Variants in ZC3H12B observed in about 807,000 individuals in gnomAD.
The protein encoded by ZC3H12B is probable ribonuclease ZC3H12B.
A neutral mutation model predicts 43.9 loss-of-function variants in ZC3H12B; 7 were observed. The observed-to-expected ratio is 0.16, with a 90% CI of 0.09 to 0.30. ZC3H12B has a LOEUF of 0.30. Among genes scored for constraint, ZC3H12B ranks in the 10% least tolerant of loss-of-function variants. The pLI, the probability that ZC3H12B is intolerant of heterozygous loss-of-function variation, is 1.00. For missense variants in ZC3H12B, 475 were observed against 670.2 expected, an observed-to-expected ratio of 0.71 and a Z score of 3.22; for synonymous variants, 222 against 241.7, an observed-to-expected ratio of 0.92 and a Z score of 0.76.
chrX:65,407,316 C>T (rs2066841754), intron 3 of ZC3H12B, among the ~76,000 whole-genome samples: 1 of 6,199 alleles, frequency 1.6e-4, no homozygotes. Context: ...TGGAGTAGCC[C>T]CGTCGGGCCC....
Position 65,450,696 on chromosome X carries a change from T to TATGTGTATATATGTATATGTATAC in ZC3H12B, n.408-37947_408-37924dup, listed in dbSNP as rs2067477890. On this transcript the variant is annotated intron_variant and non_coding_transcript_variant, in intron 3 of 5. Coordinates refer to the ZC3H12B transcript ENST00000617377. The stretch of plus-strand genomic sequence containing the variant: ...ATGTGTATATATGTATATGTATACA[T>TATGTGTATATATGTATATGTATAC]ATGTGTATATATGTATATGTATACA... Among the ~76,000 whole-genome samples, 14 of 5,232 alleles carry TATGTGTATATATGTATATGTATAC rather than the reference T, an allele frequency of 2.7e-3. 6 individuals carry two copies. Among genetic ancestry groups the TATGTGTATATATGTATATGTATAC allele is most frequent in the Non-Finnish European group, 4.0e-3 (14 of 3,503 alleles). The allele number at this position is 5,232 out of a possible 115,157, so 4.5% of individuals were successfully genotyped here.
the ZC3H12B span, among the ~76,000 whole-genome samples, chrX:65,289,956 C>T: frequency 9.0e-6 from 1 of 110,792 alleles, no homozygotes; most frequent in Non-Finnish European, 1.9e-5. Flanking sequence ...AGAGTATAGT[C>T]AGCAAAAGCA....
chrX:65,237,916 C>A, the ZC3H12B span, among the ~76,000 whole-genome samples: 4 of 111,686 alleles, frequency 3.6e-5, no homozygotes, highest in Admixed American at 9.5e-5. Context: ...ATGAAGCCAA[C>A]TTGATTGTGG....
chrX:65,361,910 C>A (rs1344994747), upstream of ZC3H12B, among the ~76,000 whole-genome samples: 1 of 112,365 alleles, frequency 8.9e-6, no homozygotes, highest in Non-Finnish European at 1.9e-5. Context: ...AGCCACATCT[C>A]CAGCACACAA....
the ZC3H12B span, among the ~76,000 whole-genome samples, chrX:65,351,287 G>T: frequency 9.0e-6 from 1 of 111,407 alleles, no homozygotes; most frequent in Non-Finnish European, 1.9e-5. Context: ...AACTGAAACT[G>T]GACCCCTTCC....
chrX:65,327,207 G>A, the ZC3H12B span, among the ~76,000 whole-genome samples: 1 of 111,114 alleles, frequency 9.0e-6, no homozygotes, highest in Non-Finnish European at 1.9e-5. Flanking sequence ...GAATCAACCT[G>A]TGTCCATCAA....
At chrX:65,491,664 G>A (rs1191205928) in intron 1 of ZC3H12B, among the ~76,000 whole-genome samples, 2 of 105,147 alleles carry the variant, frequency 1.9e-5, no homozygotes, top group East Asian at 3.0e-4. Flanking sequence ...CAGTGATCTC[G>A]CCACTGCACT....
chrX:65,298,406 G>A, the ZC3H12B span, among the ~76,000 whole-genome samples: 1 of 111,944 alleles, frequency 8.9e-6, no homozygotes, highest in Non-Finnish European at 1.9e-5. Context: ...AGTGATTAGA[G>A]GGAAATTCAT....
chrX:65,309,525 T>A, the ZC3H12B span, among the ~76,000 whole-genome samples: 8 of 111,423 alleles, frequency 7.2e-5, no homozygotes, highest in Non-Finnish European at 1.3e-4. Context: ...ATCAAAAAAA[T>A]TCCAGGACCA....
chrX:65,445,018 T>A (rs1271743669), intron 3 of ZC3H12B, among the ~76,000 whole-genome samples: 1 of 112,456 alleles, frequency 8.9e-6, no homozygotes, highest in Non-Finnish European at 1.9e-5. Context: ...AGTACACCAA[T>A]TGAATTTTTC....
the ZC3H12B span, among the ~76,000 whole-genome samples, chrX:65,203,498 G>T: frequency 5.4e-3 from 597 of 110,299 alleles, 4 homozygotes; most frequent in Non-Finnish European, 9.3e-3. Context: ...ATTCCTTTCT[G>T]GCCCAGAGTG....
intron 3 of ZC3H12B, among the ~76,000 whole-genome samples, chrX:65,456,437 C>G (rs1294340017): frequency 3.1e-5 from 2 of 64,185 alleles, no homozygotes; most frequent in Non-Finnish European, 5.7e-5. Flanking sequence ...CCCTCTCCCT[C>G]TCCCTCTCCC....
At chrX:65,135,797 A>AT in the ZC3H12B span, among the ~76,000 whole-genome samples, 119 of 54,104 alleles carry the variant, frequency 2.2e-3, 2 homozygotes, top group African/African-American at 8.1e-3. Context: ...CAGTTTACTG[A>AT]TTTTTTTTAT....
the ZC3H12B span, among the ~76,000 whole-genome samples, chrX:65,156,665 G>A: frequency 9.0e-6 from 1 of 111,202 alleles, no homozygotes; most frequent in South Asian, 3.8e-4. Flanking sequence ...ACAGGCATGA[G>A]CCACCGCACA....
chrX:65,291,594 T>C, the ZC3H12B span, among the ~76,000 whole-genome samples: 4 of 111,996 alleles, frequency 3.6e-5, no homozygotes, highest in African/African-American at 9.7e-5. Context: ...TGTAAAATAT[T>C]GAGACACATA....
chrX:65,170,832 C>T, the ZC3H12B span, among the ~76,000 whole-genome samples: 6 of 112,134 alleles, frequency 5.4e-5, no homozygotes, highest in Non-Finnish European at 9.4e-5. Flanking sequence ...AAATCAGCTA[C>T]TGAAGCTTGT....
At chrX:65,062,699 G>C in the ZC3H12B span, among the ~76,000 whole-genome samples, 1 of 112,009 alleles carries the variant, frequency 8.9e-6, no homozygotes, top group East Asian at 2.8e-4. Context: ...TGTGAACAAA[G>C]TCAATTGTGA....
At chrX:65,487,884 T>C (rs907345938), upstream of ZC3H12B, among the ~76,000 whole-genome samples, 3 of 111,917 alleles carry the variant, frequency 2.7e-5, no homozygotes, top group South Asian at 1.1e-3. Context: ...TCTTTCTTTC[T>C]TTTTTGAGAC....
At chrX:65,116,269 T>G in the ZC3H12B span, among the ~76,000 whole-genome samples, 364 of 111,832 alleles carry the variant, frequency 3.3e-3, 1 homozygote, top group African/African-American at 0.011. Context: ...AACATATAGC[T>G]TGCCAATTAT....
Sources: allele counts gnomAD v4.1 joint callset (sites outside exome capture counted in the v4.1 genomes callset), GRCh38; gene constraint gnomAD v4.1.1; transcripts MANE v1.5; gene names NCBI Gene and HGNC (gene_info 2026-07-23, HGNC 2026-07-21).